The following ZMYND8 variants were observed in gnomAD, a reference collection of about 807,000 sequenced individuals.
ZMYND8 encodes the protein zinc finger MYND-type containing 8.
ZMYND8 carries 37 observed loss-of-function variants against 140.8 expected under a neutral mutation model. That is an observed-to-expected ratio of 0.26 (90% confidence interval 0.20 to 0.35). ZMYND8 has a LOEUF of 0.35. ZMYND8 is among the 10% of genes least tolerant of loss of function. The pLI is 1.00. For missense variants in ZMYND8, 1,068 were observed against 1,570.0 expected (o/e 0.68, Z 5.40); for synonymous variants, 592 against 597.1 (o/e 0.99, Z 0.12).
At chr20:47,242,922 C>T (rs998289975) in intron 14 of ZMYND8, among the ~76,000 whole-genome samples, 1 of 152,064 alleles carries the variant, frequency 6.6e-6, no homozygotes, top group Admixed American at 6.6e-5. Flanking sequence ...AGGGTCAGCA[C>T]CTGAGAAGCT....
chr20:47,342,846 CAA>C (rs1041501318), intron 2 of ZMYND8, among the ~76,000 whole-genome samples: 139 of 74,998 alleles, frequency 1.9e-3, no homozygotes, highest in African/African-American at 4.6e-3. Context: ...GACTACATCT[CAA>C]AAAAAAAAAA....
At chr20:47,293,528 C>T (rs942961953) in intron 5 of ZMYND8, among the ~76,000 whole-genome samples, 1 of 152,140 alleles carries the variant, frequency 6.6e-6, no homozygotes, top group Admixed American at 6.5e-5. Flanking sequence ...AAGGAACTAA[C>T]CAAATTCTCA....
At chr20:47,338,360 G>C (rs993480487) in intron 2 of ZMYND8, among the ~76,000 whole-genome samples, 1 of 151,964 alleles carries the variant, frequency 6.6e-6, no homozygotes, top group African/African-American at 2.4e-5. Flanking sequence ...CAGAACCGAA[G>C]GACCCTGACC....
intron 14 of ZMYND8, among the ~76,000 whole-genome samples, chr20:47,243,897 T>A (rs1335789483): frequency 3.9e-5 from 6 of 152,214 alleles, no homozygotes; most frequent in African/African-American, 1.4e-4. Context: ...AGACAGTCTC[T>A]CAAAACCCAA....
intron 11 of ZMYND8, among the ~76,000 whole-genome samples, chr20:47,264,593 A>T (rs1218252645): frequency 6.6e-6 from 1 of 152,160 alleles, no homozygotes; most frequent in Non-Finnish European, 1.5e-5. Flanking sequence ...TAAGTTTTTA[A>T]CACAATAAAT....
At chr20:47,293,992 C>A (rs2077471860) in intron 5 of ZMYND8, among the ~76,000 whole-genome samples, 1 of 152,130 alleles carries the variant, frequency 6.6e-6, no homozygotes, top group African/African-American at 2.4e-5. Flanking sequence ...TCCCCTTCGC[C>A]TTCCACCATC....
chr20:47,250,864 A>T (rs1343867606), intron 12 of ZMYND8, among the ~76,000 whole-genome samples: 1 of 152,220 alleles, frequency 6.6e-6, no homozygotes, highest in East Asian at 1.9e-4. Context: ...GGATAAGATT[A>T]GAAAGAGGTC....
At chr20:47,260,992 C>G (rs1394836444) in intron 12 of ZMYND8, among the ~76,000 whole-genome samples, 1 of 152,040 alleles carries the variant, frequency 6.6e-6, no homozygotes, top group Non-Finnish European at 1.5e-5. Context: ...GAGGCTGAGG[C>G]AGGCAGATCA....
At chr20:47,268,446 A>G (rs1176215642) in intron 11 of ZMYND8, among the ~76,000 whole-genome samples, 13 of 150,906 alleles carry the variant, frequency 8.6e-5, no homozygotes, top group African/African-American at 3.2e-4. Context: ...GGCGCCCGCC[A>G]CCATGCCGGG....
intron 21 of ZMYND8, among the ~76,000 whole-genome samples, chr20:47,219,316 A>G (rs1481524088): frequency 5.3e-5 from 8 of 151,696 alleles, no homozygotes. Context: ...TCAGCCTCCC[A>G]AAGTGCTGGG....
chr20:47,321,079 C>A (rs1397361852), intron 2 of ZMYND8, among the ~76,000 whole-genome samples: 1 of 152,190 alleles, frequency 6.6e-6, no homozygotes, highest in Non-Finnish European at 1.5e-5. Flanking sequence ...ACGCTGGACT[C>A]CTCTGAATTA....
intron 16 of ZMYND8, among the ~76,000 whole-genome samples, chr20:47,234,190 A>G (rs1218077839): frequency 6.6e-6 from 1 of 152,242 alleles, no homozygotes; most frequent in East Asian, 1.9e-4. Flanking sequence ...CTGGGACTAC[A>G]GGCGCATGCC....
intron 9 of ZMYND8, among the ~76,000 whole-genome samples, chr20:47,283,336 C>G (rs936241829): frequency 6.6e-6 from 1 of 152,202 alleles, no homozygotes; most frequent in Non-Finnish European, 1.5e-5. Flanking sequence ...TTGCAGTCTG[C>G]CCAGGCTAAT....
At chr20:47,253,363 G>A (rs1568999861) in intron 12 of ZMYND8, among the ~76,000 whole-genome samples, 1 of 151,730 alleles carries the variant, frequency 6.6e-6, no homozygotes, top group Non-Finnish European at 1.5e-5. Context: ...ATGGTGAAAT[G>A]CCATCTCTAC....
chr20:47,233,050 G>A (rs531510695), intron 16 of ZMYND8, among the ~76,000 whole-genome samples: 1 of 151,850 alleles, frequency 6.6e-6, no homozygotes, highest in Admixed American at 6.6e-5. Flanking sequence ...GGGATTATAG[G>A]TGCCTGCTAC....
At position 47,264,287 on chromosome 20, in the gene ZMYND8, GT is replaced by G. The variant is rs764153941; in HGVS notation, c.1481-1860del. ...TAAGAAATAAGTTTTCTTTGCTTTT[GT>G]TTTTTTGAGATGGAGTCTCGCTCTG... On this transcript the variant is annotated intron_variant, in intron 11 of 22. Transcript: ENST00000471951. Among the ~76,000 whole-genome samples the G allele has an allele frequency of 6.6e-5, 10 of 152,190 alleles. No homozygotes were observed. The East Asian group carries it at 1.2e-3, about 18-fold the overall frequency.
chr20:47,344,102 C>T (rs780348733), intron 2 of ZMYND8, among the ~76,000 whole-genome samples: 20 of 151,742 alleles, frequency 1.3e-4, no homozygotes, highest in Non-Finnish European at 2.2e-4. Flanking sequence ...CTCAGCCTCC[C>T]GAGTAGTTGC....
chr20:47,245,043 G>C (rs549909183), intron 14 of ZMYND8, among the ~76,000 whole-genome samples: 1 of 152,134 alleles, frequency 6.6e-6, no homozygotes, highest in African/African-American at 2.4e-5. Context: ...GGCGACAAGA[G>C]CCAAATTCTG....
chr20:47,331,420 A>C lies in ZMYND8; in HGVS notation c.85+16436T>G, dbSNP rs147637630. 4.9e-3 allele frequency among the ~76,000 whole-genome samples: 743 copies of C among 152,302 alleles called. 7 individuals are homozygous for C. Among genetic ancestry groups the C allele is most frequent in the African/African-American group, 0.017 (714 of 41,572 alleles). ...TGAGTCCATATCTCTGGGGGTGAAG[A>C]TGTAAAATCTCTCATGGACATCTTG... On this transcript the variant is annotated intron_variant, in intron 2 of 22. Coordinates refer to ENST00000471951, the MANE Select transcript of ZMYND8 (RefSeq NM_001281775.3).
Sources: allele counts gnomAD v4.1 joint callset (sites outside exome capture counted in the v4.1 genomes callset), GRCh38; gene constraint gnomAD v4.1.1; transcripts MANE v1.5; gene names NCBI Gene and HGNC (gene_info 2026-07-23, HGNC 2026-07-21).